The following TRPC5 variants were observed in gnomAD, a reference collection of about 807,000 sequenced individuals.
TRPC5 encodes the protein short transient receptor potential channel 5.
In TRPC5, 9 loss-of-function variants were observed where a neutral mutation model predicts 56.5. That is an observed-to-expected ratio of 0.16 (90% CI 0.10 to 0.28). The LOEUF (loss-of-function observed/expected upper bound fraction) is 0.28. Ranked by LOEUF, TRPC5 falls within the 10% of genes least tolerant of loss-of-function variation. The pLI is 1.00. For synonymous variants in TRPC5, 282 were observed against 278.5 expected, an observed-to-expected ratio of 1.01 and a Z score of -0.13; for missense variants, 469 against 748.9, an observed-to-expected ratio of 0.63 and a Z score of 4.36.
rs186351043 is a variant in TRPC5, at chrX:111,793,281, A to G, written c.1897-11143T>C. ...AGATCTGAGTGACACTTGCTGTATT[A>G]GGCTGTTCTCGCATTGCTATGAATA... On this transcript the variant is annotated intron_variant, in intron 7 of 10. Coordinates refer to ENST00000262839, the MANE Select transcript of TRPC5 (RefSeq NM_012471.3). 1.1e-3 allele frequency among the ~76,000 whole-genome samples: 125 copies of G among 111,881 alleles called. 1 individual carries two copies. The highest frequency in any genetic ancestry group is 2.1e-3 in the Non-Finnish European group (111 of 53,179).
At chrX:111,947,939 T>C (rs1033737944) in intron 2 of TRPC5, among the ~76,000 whole-genome samples, 1 of 112,247 alleles carries the variant, frequency 8.9e-6, no homozygotes, top group Admixed American at 9.4e-5. Flanking sequence ...CTTTGCTTTC[T>C]GCTCCATTTA....
chrX:112,073,925 C>A (rs1930774153), intron 1 of TRPC5, among the ~76,000 whole-genome samples: 1 of 111,858 alleles, frequency 8.9e-6, no homozygotes, highest in Admixed American at 9.6e-5. Context: ...TGTTTCTTTA[C>A]AGTGTATTTT....
intron 1 of TRPC5, among the ~76,000 whole-genome samples, chrX:112,077,681 A>T (rs1930865988): frequency 9.0e-6 from 1 of 111,620 alleles, no homozygotes; most frequent in African/African-American, 3.3e-5. Flanking sequence ...GGTTTTTCAG[A>T]TCATCCTTCT....
At chrX:111,801,455 G>A (rs1481786800) in intron 7 of TRPC5, among the ~76,000 whole-genome samples, 1 of 111,711 alleles carries the variant, frequency 9.0e-6, no homozygotes, top group South Asian at 3.7e-4. Context: ...TTAACTATCT[G>A]AGGGATATCC....
At chrX:112,042,074 T>G (rs1322983425) in intron 1 of TRPC5, among the ~76,000 whole-genome samples, 2 of 111,921 alleles carry the variant, frequency 1.8e-5, no homozygotes, top group South Asian at 7.4e-4. Context: ...AGGAGCAGCA[T>G]GGGAAGCTGG....
At chrX:111,787,832 C>G (rs756069749) in intron 7 of TRPC5, among the ~76,000 whole-genome samples, 22 of 111,367 alleles carry the variant, frequency 2.0e-4, no homozygotes, top group African/African-American at 5.9e-4. Context: ...ATAAATTCCT[C>G]GACACATACA....
chrX:111,898,299 A>G (rs1188033185), intron 3 of TRPC5, among the ~76,000 whole-genome samples: 1 of 104,940 alleles, frequency 9.5e-6, no homozygotes, highest in African/African-American at 3.4e-5. Context: ...GTGTGTGCGC[A>G]CACACACACA....
intron 1 of TRPC5, among the ~76,000 whole-genome samples, chrX:111,984,748 A>T (rs1259025648): frequency 2.7e-5 from 3 of 112,538 alleles, no homozygotes; most frequent in Non-Finnish European, 5.6e-5. Flanking sequence ...ATATTATGAC[A>T]TAGGGGTGAA....
At chrX:111,905,063 T>C (rs1286537041) in intron 3 of TRPC5, among the ~76,000 whole-genome samples, 9 of 110,474 alleles carry the variant, frequency 8.1e-5, no homozygotes, top group Non-Finnish European at 5.7e-5. Context: ...AAAAAGCCCT[T>C]CAGGAAATAA....
intron 3 of TRPC5, chrX:111,902,017 C>T (rs1292292035): frequency 7.8e-6 from 9 of 1,153,571 alleles, no homozygotes; most frequent in East Asian, 6.5e-5. Context: ...CACCTCTTCC[C>T]GAGGAGCCTT....
At chrX:111,840,268 C>A (rs1302134662) in intron 6 of TRPC5, among the ~76,000 whole-genome samples, 1 of 112,331 alleles carries the variant, frequency 8.9e-6, no homozygotes, top group Admixed American at 9.4e-5. Flanking sequence ...CTCAAGTGAT[C>A]CTCCTGCTTC....
At chrX:111,888,282 G>T (rs1432904043) in intron 3 of TRPC5, among the ~76,000 whole-genome samples, 2 of 110,630 alleles carry the variant, frequency 1.8e-5, no homozygotes, top group African/African-American at 6.6e-5. Flanking sequence ...TAAGGATTTG[G>T]GTTTTATGCT....
intron 1 of TRPC5, among the ~76,000 whole-genome samples, chrX:111,999,862 C>A (rs967206247): frequency 3.6e-5 from 4 of 111,263 alleles, no homozygotes; most frequent in Middle Eastern, 9.2e-3. Flanking sequence ...GCTACTCAGG[C>A]GGCTGAGGCA....
intron 6 of TRPC5, among the ~76,000 whole-genome samples, chrX:111,846,759 C>T (rs1481032268): frequency 1.1e-4 from 12 of 112,253 alleles, no homozygotes; most frequent in African/African-American, 3.2e-5. Context: ...TGTTTCATTA[C>T]CTTGGTGCCA....
chrX:111,854,223 G>A (rs1349666010), intron 3 of TRPC5, 117 bp from the exon 4 acceptor site: 1 of 738,257 alleles, frequency 1.4e-6, no homozygotes, highest in Non-Finnish European at 1.9e-6. Flanking sequence ...CCAATCCCCA[G>A]AAGAGGCCTG....
At chrX:111,806,249 T>C (rs966780214) in intron 7 of TRPC5, among the ~76,000 whole-genome samples, 1 of 112,094 alleles carries the variant, frequency 8.9e-6, no homozygotes, top group Admixed American at 9.5e-5. Context: ...ACATTTATTA[T>C]CCCAGTTTCT....
At chrX:111,909,097 A>G (rs190910978) in intron 3 of TRPC5, among the ~76,000 whole-genome samples, 2,197 of 108,168 alleles carry the variant, frequency 0.02, 58 homozygotes, top group African/African-American at 0.071. Flanking sequence ...CGGCCTGGCC[A>G]GCATGGCGAA....
rs183424766 is a variant in TRPC5, at chrX:111,940,534, C to T, written c.378+11509G>A. On this transcript the variant is annotated intron_variant, in intron 2 of 10. Coordinates refer to ENST00000262839, the MANE Select transcript of TRPC5 (RefSeq NM_012471.3). ...TGAAACCCTGTCTCTACTAAAACTA[C>T]AAAAAAATTAGCCGGGTGTGGTGGC... is the stretch of plus-strand genomic sequence containing the variant. Among the ~76,000 whole-genome samples, 7 of 108,980 alleles carry T rather than the reference C, an allele frequency of 6.4e-5. No individual in the cohort carries two copies. In the East Asian group the frequency reaches 2.0e-3, roughly 32 times the overall value. The allele number at this position is 108,980 out of a possible 115,157, so 94.6% of individuals were successfully genotyped here.
intron 7 of TRPC5, among the ~76,000 whole-genome samples, chrX:111,818,573 A>G (rs936429957): frequency 2.7e-5 from 3 of 109,145 alleles, no homozygotes; most frequent in South Asian, 4.0e-4. Context: ...AGCATCAGCA[A>G]TATTACCTAC....
Sources: allele counts gnomAD v4.1 joint callset (sites outside exome capture counted in the v4.1 genomes callset), GRCh38; gene constraint gnomAD v4.1.1; transcripts MANE v1.5; gene names NCBI Gene and HGNC (gene_info 2026-07-23, HGNC 2026-07-21).